GASK1A: variants seen among roughly 807,000 people sequenced by gnomAD.
The protein encoded by GASK1A is Golgi-associated kinase 1A.
Under a neutral mutation model 41.2 loss-of-function variants are expected in GASK1A, and 40 were observed. That is an observed-to-expected ratio of 0.97 (90% CI 0.75 to 1.27). The LOEUF is 1.27. Among genes scored for constraint, GASK1A ranks in the 50% most tolerant of loss-of-function variants. The pLI is 0.00. For synonymous variants in GASK1A, 316 were observed against 307.1 expected, an observed-to-expected ratio of 1.03 and a Z score of -0.30; for missense variants, 678 against 745.1, an observed-to-expected ratio of 0.91 and a Z score of 1.05.
rs2089716829 is a variant in GASK1A at position 43,056,406 on chromosome 3, C to T, written c.*20C>T. ...CCATAAGCCGCACACAGCCCTGAGT[C>T]AATGAGCATCCATCCTGATGGCCAC... On this transcript the variant is annotated 3_prime_UTR_variant, in exon 5 of 5. Coordinates refer to ENST00000430121, the MANE Select transcript of GASK1A (RefSeq NM_001129908.3). 2 of 1,500,428 alleles carry T rather than the reference C, an allele frequency of 1.3e-6. No homozygotes were observed. Among genetic ancestry groups the T allele is most frequent in the Admixed American group, 2.2e-5 (1 of 44,574 alleles). 92.9% of individuals were successfully genotyped at this position (1,500,428 alleles called of 1,614,324 possible).
At chr3:43,037,394 C>T in intron 2 of GASK1A, 1 of 956,824 alleles carries the variant, frequency 1.0e-6, no homozygotes, top group Non-Finnish European at 1.7e-6. Context: ...TAAGTACAGA[C>T]AGCCCTTGCC....
rs989644551 is a variant in GASK1A, at chr3:43,056,595, C to T, written c.*209C>T. ...GCCTTCTCGGCTCTGGCTATTTATTCCCTTGCACCAACAAATACATTCGAA... is the reference window on the plus strand; with the variant it reads ...GCCTTCTCGGCTCTGGCTATTTATTTCCTTGCACCAACAAATACATTCGAA... On this transcript the variant is annotated 3_prime_UTR_variant, in exon 5 of 5. Coordinates refer to ENST00000430121, the MANE Select transcript of GASK1A (RefSeq NM_001129908.3). The T allele has an allele frequency of 3.7e-5, 19 of 513,212 alleles. 1 individual carries two copies. The South Asian group carries it at 5.0e-4, about 14-fold the overall frequency. The allele number at this position is 513,212 out of a possible 1,614,324, so 31.8% of individuals were successfully genotyped here.
chr3:43,047,086 AC>A (rs1286888678), intron 2 of GASK1A, among the ~76,000 whole-genome samples: 2 of 152,240 alleles, frequency 1.3e-5, no homozygotes, highest in African/African-American at 4.8e-5. Context: ...GAGCCCCCAC[AC>A]AGAGTTCCCA....
chr3:43,029,938 G>A (rs1023778731), intron 1 of GASK1A, among the ~76,000 whole-genome samples: 13 of 152,322 alleles, frequency 8.5e-5, no homozygotes, highest in Admixed American at 3.3e-4. Context: ...ATTCCTCCAG[G>A]CCATGCCGTT....
intron 1 of GASK1A, among the ~76,000 whole-genome samples, chr3:43,011,360 G>T (rs1268667639): frequency 7.2e-6 from 1 of 139,278 alleles, no homozygotes; most frequent in African/African-American, 2.7e-5. Flanking sequence ...CCAGCCTGGC[G>T]ACAGAGTGAG....
chr3:43,055,177 C>G (rs1406154049), intron 3 of GASK1A, among the ~76,000 whole-genome samples: 3 of 152,180 alleles, frequency 2.0e-5, no homozygotes, highest in Admixed American at 2.0e-4. Flanking sequence ...AAGGTGCCAC[C>G]ATTTCTGTAA....
chr3:43,040,874 C>CCG (rs2089633086), intron 2 of GASK1A, among the ~76,000 whole-genome samples: 1 of 64,900 alleles, frequency 1.5e-5, no homozygotes, highest in Admixed American at 1.9e-4. Context: ...CAATGCTATC[C>CCG]CTCCCCCCCG....
intron 1 of GASK1A, among the ~76,000 whole-genome samples, chr3:43,006,349 G>C (rs1553614344): frequency 6.6e-6 from 1 of 152,144 alleles, no homozygotes; most frequent in Non-Finnish European, 1.5e-5. Flanking sequence ...TTTTAGTGGA[G>C]TAATTTAACC....
chr3:43,056,204 G>T lies in GASK1A; in HGVS notation c.1546G>T (p.Ala516Ser). Residue 516 changes from alanine (A) to serine (S), a missense_variant, in exon 5 of 5, where the codon GCA (alanine) becomes TCA (serine). By Grantham distance (99) the Ala-to-Ser change is moderately conservative. Coordinates refer to ENST00000430121, the MANE Select transcript of GASK1A (RefSeq NM_001129908.3). Reference sequence around the variant, plus strand: ...TCCTGAGTCTGCCGTGAAGGTTCTCGCATCAGGGTGTCTACAGAACATGCT... The same window carrying T: ...TCCTGAGTCTGCCGTGAAGGTTCTCTCATCAGGGTGTCTACAGAACATGCT... ...GFPESAVKVL[A>S]SGCLQNMLLK... is the part of the protein sequence containing the mutation. The T allele has an allele frequency of 1.3e-6, 2 of 1,551,486 alleles. No individual in the cohort carries two copies. The highest frequency in any genetic ancestry group is 1.7e-6 in the Non-Finnish European group (2 of 1,146,834).
chr3:43,000,420 C>T (rs2089402946), intron 1 of GASK1A, among the ~76,000 whole-genome samples: 2 of 152,220 alleles, frequency 1.3e-5, no homozygotes, highest in South Asian at 4.1e-4. Flanking sequence ...ATCGCATAAA[C>T]ATCTCCTTTG....
At chr3:42,991,452 G>A (rs2089340229) in intron 1 of GASK1A, among the ~76,000 whole-genome samples, 1 of 152,160 alleles carries the variant, frequency 6.6e-6, no homozygotes, top group Non-Finnish European at 1.5e-5. Context: ...GACATTCACA[G>A]TGTCACAATG....
intron 1 of GASK1A, among the ~76,000 whole-genome samples, chr3:43,010,434 C>T (rs2089457928): frequency 1.3e-5 from 2 of 152,192 alleles, no homozygotes; most frequent in African/African-American, 4.8e-5. Context: ...TTATATTCTC[C>T]CATGAAATAC....
rs2280564 is a variant in GASK1A at position 43,053,481 on chromosome 3, C to A, written c.1291-40C>A. On this transcript the variant is annotated intron_variant, in intron 2 of 4. Transcript: ENST00000430121. Reference sequence around the variant, plus strand: ...CCATGCTATGCCTGGTGGAGGCAGGCCCCCTGCCGCACCCCACCGAAGGCT... The same window carrying A: ...CCATGCTATGCCTGGTGGAGGCAGGACCCCTGCCGCACCCCACCGAAGGCT... 9.4e-4 allele frequency: 1,408 copies of A among 1,500,134 alleles called. 38 individuals carry two copies. In the East Asian group the frequency reaches 0.031, roughly 34 times the overall value. 92.9% of individuals were successfully genotyped at this position (1,500,134 alleles called of 1,614,324 possible).
intron 3 of GASK1A, among the ~76,000 whole-genome samples, chr3:43,054,785 A>G (rs982640635): frequency 1.3e-5 from 2 of 152,226 alleles, no homozygotes; most frequent in African/African-American, 4.8e-5. Context: ...GAAAAGGTTT[A>G]GGAGCTGCTA....
chr3:43,045,867 T>G lies in GASK1A; in HGVS notation c.1291-7654T>G, dbSNP rs1490568717. On this transcript the variant is annotated intron_variant, in intron 2 of 4. Coordinates refer to ENST00000430121, the MANE Select transcript of GASK1A (RefSeq NM_001129908.3). ...TTTATAAGTGCCTGGTAGTTCCTCC[T>G]GCATTCATTCTCCTTCCTGCCACCT... Among the ~76,000 whole-genome samples, 3 of 152,250 alleles carry G rather than the reference T, an allele frequency of 2.0e-5. No homozygotes were observed. The East Asian group carries it at 5.8e-4, about 29-fold the overall frequency.
rs1227303395 is a variant in GASK1A, at chr3:43,033,382, C to G, written c.1119C>G (p.Pro373=). Residue 373 remains proline (P), a synonymous_variant, in exon 2 of 5, where the codon CCC becomes CCG. Coordinates refer to ENST00000430121, the MANE Select transcript of GASK1A (RefSeq NM_001129908.3). The part of the protein sequence containing the change: ...GGARPVIWWA[P]DVQHLSDPDE... Reference sequence around the variant, plus strand: ...CAAGGCCTGTCATCTGGTGGGCACCCGATGTGCAGCACCTGAGCGACCCAG... The same window carrying G: ...CAAGGCCTGTCATCTGGTGGGCACCGGATGTGCAGCACCTGAGCGACCCAG... 3.9e-6 allele frequency: 6 copies of G among 1,551,534 alleles called. No homozygotes were observed. The East Asian group carries it at 9.8e-5, about 25-fold the overall frequency.
chr3:43,016,037 G>T (rs2089489377), intron 1 of GASK1A, among the ~76,000 whole-genome samples: 1 of 151,978 alleles, frequency 6.6e-6, no homozygotes, highest in South Asian at 2.1e-4. Context: ...GAAGTCACAG[G>T]GAGGGGCTCT....
intron 1 of GASK1A, among the ~76,000 whole-genome samples, chr3:43,006,005 G>C (rs934341572): frequency 6.6e-6 from 1 of 152,176 alleles, no homozygotes; most frequent in Admixed American, 6.5e-5. Flanking sequence ...AGGGACTGCT[G>C]TATTATATTA....
At chr3:43,005,435 C>G (rs572591806) in intron 1 of GASK1A, among the ~76,000 whole-genome samples, 1 of 152,352 alleles carries the variant, frequency 6.6e-6, no homozygotes, top group South Asian at 2.1e-4. Context: ...GCATCTCGCT[C>G]TGTCCTACCT....
Sources: allele counts gnomAD v4.1 joint callset (sites outside exome capture counted in the v4.1 genomes callset), GRCh38; gene constraint gnomAD v4.1.1; transcripts MANE v1.5; gene names NCBI Gene and HGNC (gene_info 2026-07-23, HGNC 2026-07-21).